The following TAF1D variants were observed in gnomAD, a reference collection of about 807,000 sequenced individuals.
TAF1D encodes TATA-box binding protein associated factor, RNA polymerase I subunit D.
TAF1D carries 23 observed loss-of-function variants against 26.2 expected under a neutral mutation model. That is an observed-to-expected ratio of 0.88 (90% CI 0.63 to 1.25). TAF1D has a LOEUF of 1.25. TAF1D is among the 50% of genes most tolerant of loss of function. The pLI, the probability that TAF1D is intolerant of heterozygous loss-of-function variation, is 0.00. For missense variants in TAF1D, 299 were observed against 322.0 expected (o/e 0.93, Z 0.55); for synonymous variants, 100 against 105.6 (o/e 0.95, Z 0.33).
rs1473038846 is a variant in TAF1D, at chr11:93,738,457, G to C, written c.111C>G (p.Ile37Met). The change falls in exon 3 of 6, where the codon ATC becomes ATG. Residue 37 changes from isoleucine to methionine, a missense_variant. Transcript: ENST00000448108. Reference sequence around the variant, plus strand: ...TTTTCTCCCCTTTAGGTGAGTAAGGGATACACTGAGTTTTAAATAAGCTGC... The same window carrying C: ...TTTTCTCCCCTTTAGGTGAGTAAGGCATACACTGAGTTTTAAATAAGCTGC... ...SDSSLFKTQC[I>M]PYSPKGEKRN... 1 of 1,587,608 alleles carries C rather than the reference G, an allele frequency of 6.3e-7. No individual in the cohort carries two copies. Among genetic ancestry groups the C allele is most frequent in the Admixed American group, 1.9e-5 (1 of 52,008 alleles).
At chr11:93,730,265 G>A in exon 12 of TAF1D, 1 of 1,547,200 alleles carries the variant, frequency 6.5e-7, no homozygotes, top group South Asian at 1.2e-5. Flanking sequence ...AAAAATACAT[G>A]CTGACTTTCT....
At chr11:93,732,500 A>G (rs1430725527), downstream of TAF1D, 2 of 516,802 alleles carry the variant, frequency 3.9e-6, no homozygotes, top group South Asian at 2.8e-5. Context: ...ATGCAGTGCA[A>G]TTATGACTGA....
chr11:93,734,845 A>T, downstream of TAF1D: 1 of 956,006 alleles, frequency 1.0e-6, no homozygotes, highest in Admixed American at 3.5e-5. Context: ...GTGCCATCAA[A>T]GCTCAGTGCA....
chr11:93,735,228 A>G (rs202035133), downstream of TAF1D: 36 of 1,350,678 alleles, frequency 2.7e-5, no homozygotes, highest in African/African-American at 1.2e-4. Context: ...AAAAACATAC[A>G]TAAGTGCAGT....
chr11:93,739,148 C>A, intron 2 of TAF1D, 89 bp downstream of exon 2: 1 of 1,074,896 alleles, frequency 9.3e-7, no homozygotes, highest in Non-Finnish European at 1.4e-6. Flanking sequence ...CCTTCTTTCC[C>A]AATTCCTGAA....
chr11:93,735,247 G>A, downstream of TAF1D: 1 of 1,343,518 alleles, frequency 7.4e-7, no homozygotes, highest in Non-Finnish European at 9.8e-7. Flanking sequence ...GTCCCAAAAT[G>A]CACTACATAG....
At chr11:93,734,105 T>C (rs1940113149), downstream of TAF1D, 1 of 152,588 alleles carries the variant, frequency 6.6e-6, no homozygotes, top group Admixed American at 6.5e-5. Context: ...CAACAGAGGA[T>C]GTTGTTTTCC....
At position 93,730,454 on chromosome 11, in the gene TAF1D, A is replaced by G. The variant is rs925552598; in HGVS notation, c.*997T>C. ...ATTTATCTTCAAGTTTGCCCTGAAG[A>G]AGAGAAATTTTGATTAACCTTTAAA... On this transcript the variant is annotated 3_prime_UTR_variant and NMD_transcript_variant, in exon 12 of 12. Coordinates refer to the TAF1D transcript ENST00000323981. 4 of 753,252 alleles carry G rather than the reference A, an allele frequency of 5.3e-6. No individual in the cohort carries two copies. The African/African-American group carries it at 6.9e-5, about 13-fold the overall frequency. The allele number at this position is 753,252 out of a possible 1,614,324, so 46.7% of individuals were successfully genotyped here. A position where few individuals can be genotyped will look rare whatever the true frequency, so the allele number is the denominator to read the frequency against.
chr11:93,730,307 T>C, exon 12 of TAF1D: 1 of 1,358,500 alleles, frequency 7.4e-7, no homozygotes, highest in Non-Finnish European at 1.0e-6. Flanking sequence ...TAATTGTGTA[T>C]ATGTAGCATT....
downstream of TAF1D, chr11:93,731,263 T>G (rs1944107): frequency 1 from 350,436 of 351,568 alleles, 174,676 homozygotes; most frequent in East Asian, 1. Context: ...ATTAAGTACA[T>G]AAATCTATCT....
chr11:93,735,324 G>A, downstream of TAF1D: 1 of 1,192,854 alleles, frequency 8.4e-7, no homozygotes, highest in Admixed American at 2.9e-5. Flanking sequence ...GTTCTCCCCA[G>A]GTATACATGT....
Position 93,736,301 on chromosome 11 carries a change from C to A in TAF1D, c.697G>T (p.Asp233Tyr). ...AATTCAGAACTTACTATGAAACTAT[C>A]CCCCTGCATAAAACAAACAAAAAAT... ...DNECDIKLAG[D>Y]SFIVSSEFPV... Residue 233 changes from aspartate (D) to tyrosine (Y), a missense_variant, in exon 6 of 6, where the codon GAT (aspartate) becomes TAT (tyrosine). By Grantham distance (160) the Asp-to-Tyr change is radical (BLOSUM62 -3). Coordinates refer to ENST00000448108, the MANE Select transcript of TAF1D (RefSeq NM_024116.4). 2 of 1,598,732 alleles carry A rather than the reference C, an allele frequency of 1.3e-6. No individual in the cohort carries two copies. Among genetic ancestry groups the A allele is most frequent in the South Asian group, 1.1e-5 (1 of 88,080 alleles).
At chr11:93,733,679 C>G, downstream of TAF1D, 1 of 468,442 alleles carries the variant, frequency 2.1e-6, no homozygotes, top group African/African-American at 2.0e-5. Context: ...CTTGCTGAAT[C>G]ACTTGAGCCC....
rs759884066 is a variant in TAF1D at position 93,741,481 on chromosome 11, G to T, written c.-187C>A. The stretch of plus-strand genomic sequence containing the variant: ...GATAACCAGCCGACCTCCTCCAACC[G>T]TGCGGAAGAAAAGGGTTGGCTATTT... On this transcript the variant is annotated 5_prime_UTR_variant, in exon 1 of 6. Coordinates refer to ENST00000448108, the MANE Select transcript of TAF1D (RefSeq NM_024116.4). 3 of 456,152 alleles carry T rather than the reference G, an allele frequency of 6.6e-6. No individual in the cohort carries two copies. Among genetic ancestry groups the T allele is most frequent in the South Asian group, 1.5e-5 (1 of 64,566 alleles). 28.3% of individuals were successfully genotyped at this position (456,152 alleles called of 1,614,324 possible).
At chr11:93,735,051 G>T, downstream of TAF1D, 1 of 1,282,876 alleles carries the variant, frequency 7.8e-7, no homozygotes, top group South Asian at 1.3e-5. Flanking sequence ...ATTGCACCTG[G>T]CCTGGAACCA....
chr11:93,740,763 C>T (rs1402446903), intron 1 of TAF1D, among the ~76,000 whole-genome samples: 1 of 152,086 alleles, frequency 6.6e-6, no homozygotes, highest in African/African-American at 2.4e-5. Flanking sequence ...CAAAAATTTG[C>T]CCCCATGCTT....
chr11:93,735,565 G>A, downstream of TAF1D: 1 of 558,678 alleles, frequency 1.8e-6, no homozygotes, highest in Non-Finnish European at 2.3e-6. Context: ...CAGCTACTAA[G>A]GAGGCTGAGG....
downstream of TAF1D, chr11:93,734,887 C>G (rs1940357844): frequency 1.3e-6 from 1 of 782,810 alleles, no homozygotes; most frequent in African/African-American, 1.8e-5. Context: ...TCCCCCCTTT[C>G]TGAGTAACTC....
chr11:93,730,476 T>G (rs1353667218), exon 12 of TAF1D: 2 of 747,260 alleles, frequency 2.7e-6, no homozygotes, highest in African/African-American at 3.4e-5. Flanking sequence ...GATTAACCTT[T>G]AAAACTCTCA....
Sources: gnomAD v4.1 joint callset for allele counts (sites outside exome capture counted in the v4.1 genomes callset) on GRCh38, gnomAD v4.1.1 for gene constraint, MANE v1.5 for transcripts, NCBI Gene and HGNC (gene_info 2026-07-23, HGNC 2026-07-21) for gene names.